The following PRKAA2 variants were observed in gnomAD, a reference collection of about 807,000 sequenced individuals.
The protein encoded by PRKAA2 is protein kinase AMP-activated catalytic subunit alpha 2.
Under a neutral mutation model 56.3 loss-of-function variants are expected in PRKAA2, and 40 were observed. The ratio of observed to expected loss-of-function variants is 0.71; its 90% CI spans 0.55 to 0.92. The LOEUF (loss-of-function observed/expected upper bound fraction) is 0.92. Ranked by LOEUF, PRKAA2 falls within the 40% of genes least tolerant of loss-of-function variation. The pLI is 0.00. For synonymous variants in PRKAA2, 214 were observed against 234.2 expected (o/e 0.91, Z 0.79); for missense variants, 542 against 686.9 (o/e 0.79, Z 2.36).
chr1:56,668,636 CT>C (rs1161350700), intron 1 of PRKAA2, among the ~76,000 whole-genome samples: 1 of 151,742 alleles, frequency 6.6e-6, no homozygotes, highest in Non-Finnish European at 1.5e-5. Flanking sequence ...TTAATTGTTC[CT>C]TTTGTTTTAT....
chr1:56,693,572 T>TTA (rs1414129958), intron 4 of PRKAA2, among the ~76,000 whole-genome samples, 193 bp from the exon 5 acceptor site: 1 of 152,126 alleles, frequency 6.6e-6, no homozygotes, highest in Non-Finnish European at 1.5e-5. Flanking sequence ...GTGATGTGCT[T>TTA]TAGCTTTTTG....
intron 1 of PRKAA2, among the ~76,000 whole-genome samples, chr1:56,661,801 A>G (rs188693003): frequency 5.9e-5 from 9 of 152,126 alleles, no homozygotes; most frequent in Non-Finnish European, 1.3e-4. Flanking sequence ...CTAGAATACC[A>G]TATTTATTGT....
intron 2 of PRKAA2, among the ~76,000 whole-genome samples, chr1:56,679,342 T>A (rs1644137057): frequency 6.6e-6 from 1 of 152,216 alleles, no homozygotes; most frequent in African/African-American, 2.4e-5. Flanking sequence ...TGAGCACATT[T>A]ATCAAATTGT....
chr1:56,680,820 C>T (rs11206901), intron 2 of PRKAA2, among the ~76,000 whole-genome samples: 82,182 of 152,076 alleles, frequency 0.54, 22,760 homozygotes, highest in African/African-American at 0.66. Flanking sequence ...AATAAACATA[C>T]GTGTGCATGT....
chr1:56,704,738 A>G (rs1474634526), intron 7 of PRKAA2, among the ~76,000 whole-genome samples: 2 of 152,194 alleles, frequency 1.3e-5, no homozygotes, highest in African/African-American at 4.8e-5. Flanking sequence ...CAGTTTCAGC[A>G]TGCATCATAG....
chr1:56,696,115 G>A lies in PRKAA2; in HGVS notation c.744G>A (p.Met248Ile). ...NRSVATLLMH[M>I]LQVDPLKRAT... is the part of the protein sequence containing the mutation. ...CTGTCGCCACTCTCCTGATGCATATGCTGCAGGTTGACCCACTGAAACGAG... is the reference window on the plus strand; with the variant it reads ...CTGTCGCCACTCTCCTGATGCATATACTGCAGGTTGACCCACTGAAACGAG... Residue 248 changes from methionine to isoleucine, a missense_variant, in exon 6 of 9, where the codon ATG (methionine) becomes ATA (isoleucine). Physicochemically the swap from Met to Ile is conservative, Grantham distance 10. Around this residue, in one of 5 missense-constraint regions of PRKAA2, gnomAD observed 198 missense variants for 234.0 expected, o/e 0.85. Transcript: ENST00000371244. The A allele has an allele frequency of 6.2e-7, 1 of 1,613,580 alleles. No individual in the cohort carries two copies. Among genetic ancestry groups the A allele is most frequent in the South Asian group, 1.1e-5 (1 of 91,018 alleles).
intron 2 of PRKAA2, among the ~76,000 whole-genome samples, chr1:56,684,294 GCTTATTAGACAT>G (rs1337388319): frequency 6.6e-6 from 1 of 152,062 alleles, no homozygotes; most frequent in Non-Finnish European, 1.5e-5. Context: ...AAGTTGAAAT[GCTTATTAGACAT>G]CCAAGTAGAG....
At chr1:56,650,829 T>G (rs12073253) in intron 1 of PRKAA2, among the ~76,000 whole-genome samples, 123,181 of 152,152 alleles carry the variant, frequency 0.81, 50,334 homozygotes, top group Non-Finnish European at 0.86. Context: ...CTGCTTTCAA[T>G]AAATTAAGTA....
At chr1:56,702,560 T>C (rs904252838) in intron 6 of PRKAA2, among the ~76,000 whole-genome samples, 1 of 152,238 alleles carries the variant, frequency 6.6e-6, no homozygotes, top group African/African-American at 2.4e-5. Flanking sequence ...TCTGATTTCA[T>C]TTGGTACTCC....
chr1:56,705,038 A>C (rs1644322323), intron 7 of PRKAA2, among the ~76,000 whole-genome samples: 1 of 152,060 alleles, frequency 6.6e-6, no homozygotes, highest in South Asian at 2.1e-4. Flanking sequence ...GCTCAATTTC[A>C]TTTGAGTTCT....
At position 56,707,620 on chromosome 1, in the gene PRKAA2, A is replaced by G. The variant is rs555930224; in HGVS notation, c.1566A>G (p.Gly522=). Residue 522 remains glycine (G), a synonymous_variant, in exon 9 of 9, where the codon GGA becomes GGG. Transcript: ENST00000371244. The part of the protein sequence containing the change: ...LSGSLTGSLT[G]STLSSVSPRL... ...GCTCTCTCACTGGCTCTTTGACCGG[A>G]AGCACATTGTCTTCAGTTTCACCTC... The G allele has an allele frequency of 3.1e-5, 50 of 1,614,072 alleles. No individual in the cohort carries two copies. The South Asian group carries it at 4.9e-4, about 16-fold the overall frequency.
Position 56,711,489 on chromosome 1 carries a change from A to G in PRKAA2, c.*3776A>G. On this transcript the variant is annotated 3_prime_UTR_variant, in exon 9 of 9. Transcript: ENST00000371244. ...CCGGGTACTAATTTACATCCTATTA[A>G]TGGTTGTAAAAGCTGAGTGTCTAAA... 6.6e-6 allele frequency: 1 copy of G among 152,146 alleles called. No homozygotes were observed. The highest frequency in any genetic ancestry group is 1.5e-5 in the Non-Finnish European group (1 of 68,006). The allele number at this position is 152,146 out of a possible 1,614,324, so 9.4% of individuals were successfully genotyped here. A position where few individuals can be genotyped will look rare whatever the true frequency, so the allele number is the denominator to read the frequency against.
Position 56,712,225 on chromosome 1 carries a change from A to G in PRKAA2, c.*4512A>G, listed in dbSNP as rs1243938665. ...AACACCATACAAGTATCCAGCAGTG[A>G]TCAATTGCTCTTTATAGGAAACCAC... On this transcript the variant is annotated 3_prime_UTR_variant, in exon 9 of 9. Coordinates refer to ENST00000371244, the MANE Select transcript of PRKAA2 (RefSeq NM_006252.4). 6.6e-6 allele frequency: 1 copy of G among 152,208 alleles called. No individual in the cohort carries two copies. Among genetic ancestry groups the G allele is most frequent in the African/African-American group, 2.4e-5 (1 of 41,460 alleles). The allele number at this position is 152,208 out of a possible 1,614,324, so 9.4% of individuals were successfully genotyped here. A position where few individuals can be genotyped will look rare whatever the true frequency, so the allele number is the denominator to read the frequency against.
chr1:56,645,896 T>C (rs1646636951), intron 1 of PRKAA2, among the ~76,000 whole-genome samples: 1 of 152,202 alleles, frequency 6.6e-6, no homozygotes, highest in Non-Finnish European at 1.5e-5. Context: ...TACTGAGGAC[T>C]GAGGCGCCGT....
intron 1 of PRKAA2, among the ~76,000 whole-genome samples, chr1:56,657,720 G>A (rs1292687327): frequency 6.6e-6 from 1 of 152,030 alleles, no homozygotes; most frequent in Non-Finnish European, 1.5e-5. Flanking sequence ...GGGTGACAGA[G>A]CAAGACTCCG....
intron 6 of PRKAA2, among the ~76,000 whole-genome samples, chr1:56,697,831 A>G (rs2100430182): frequency 6.6e-6 from 1 of 152,012 alleles, no homozygotes; most frequent in African/African-American, 2.4e-5. Flanking sequence ...AAAAAAGTCA[A>G]ATGGTAATGA....
At chr1:56,685,014 C>T (rs2206970) in intron 2 of PRKAA2, among the ~76,000 whole-genome samples, 150,159 of 152,308 alleles carry the variant, frequency 0.99, 74,021 homozygotes, top group East Asian at 1. Context: ...CAGTGCATAA[C>T]TGGAGGAGTT....
At chr1:56,696,181 G>C (rs1239022718) in intron 6 of PRKAA2, 22 bp downstream of exon 6, 1 of 1,571,986 alleles carries the variant, frequency 6.4e-7, no homozygotes, top group Admixed American at 1.7e-5. Context: ...TTTTGTTTCT[G>C]TTCTGCATAT....
Position 56,704,301 on chromosome 1 carries a change from T to C in PRKAA2, c.1119T>C (p.Leu373=). ...CTCATCCAGAAAGGATGCCACCTCT[T>C]ATAGCAGACAGCCCCAAAGCAAGAT... ...LKPHPERMPP[L]IADSPKARCP... The change falls in exon 7 of 9, where the codon CTT becomes CTC. Residue 373 remains leucine, a synonymous_variant. Transcript: ENST00000371244. 1 of 1,614,078 alleles carries C rather than the reference T, an allele frequency of 6.2e-7. No individual in the cohort carries two copies. Among genetic ancestry groups the C allele is most frequent in the Admixed American group, 1.7e-5 (1 of 60,018 alleles).
Sources: gnomAD v4.1 joint callset for allele counts (sites outside exome capture counted in the v4.1 genomes callset) on GRCh38, gnomAD v4.1.1 for gene constraint, gnomAD v4.1.1 regional missense constraint, MANE v1.5 for transcripts, NCBI Gene and HGNC (gene_info 2026-07-23, HGNC 2026-07-21) for gene names.